PARD3B: variants seen among roughly 807,000 people sequenced by gnomAD.
PARD3B encodes partitioning defective 3 homolog B.
Under a neutral mutation model 130.2 loss-of-function variants are expected in PARD3B, and 103 were observed. The ratio of observed to expected loss-of-function variants is 0.79; its 90% confidence interval spans 0.67 to 0.93. PARD3B has a LOEUF of 0.93. Ranked by LOEUF, PARD3B falls within the 40% of genes least tolerant of loss-of-function variation. The pLI, the probability that PARD3B is intolerant of heterozygous loss-of-function variation, is 0.00. For missense variants in PARD3B, 1,609 were observed against 1,499.2 expected, an observed-to-expected ratio of 1.07 and a Z score of -1.21; for synonymous variants, 583 against 553.2, an observed-to-expected ratio of 1.05 and a Z score of -0.76.
chr2:205,178,310 A>C, intron 13 of PARD3B, among the ~76,000 whole-genome samples: 1 of 151,986 alleles, frequency 6.6e-6, no homozygotes, highest in East Asian at 1.9e-4. Flanking sequence ...ATCTTAAAGA[A>C]ATTATGGTGG....
At chr2:205,232,789 TAGACATTGCAGGAAACC>T (rs1470585213) in intron 15 of PARD3B, among the ~76,000 whole-genome samples, 1 of 152,070 alleles carries the variant, frequency 6.6e-6, no homozygotes, top group Non-Finnish European at 1.5e-5. Flanking sequence ...AACAGCAAAT[TAGACATTGCAGGAAACC>T]AGACAAGTGA....
chr2:205,530,156 A>G lies in PARD3B; in HGVS notation c.3181-23168A>G, dbSNP rs2051525079. 6.6e-6 allele frequency among the ~76,000 whole-genome samples: 1 copy of G among 152,214 alleles called. No homozygotes were observed. The highest frequency in any genetic ancestry group is 1.5e-5 in the Non-Finnish European group (1 of 68,042). ...TGGAAAGGAAATAATATGCACATCT[A>G]ACCTTACAGCTGCAACTCGTGAAAT... On this transcript the variant is annotated intron_variant, in intron 21 of 22. Coordinates refer to ENST00000406610, the MANE Select transcript of PARD3B (RefSeq NM_001302769.2). This position sits in a 1 kb window ranked among gnomAD's most constrained non-coding sequence, Gnocchi z 4.7.
Position 205,021,411 on chromosome 2 carries a change from G to A in PARD3B, c.395-26170G>A, listed in dbSNP as rs1213263651. ...TTTCCTGATTCTGGGCATGCATTGG[G>A]ACCACAGGTTATGGTGGCTCACATT... On this transcript the variant is annotated intron_variant, in intron 3 of 22. Coordinates refer to ENST00000406610, the MANE Select transcript of PARD3B (RefSeq NM_001302769.2). This position sits in a 1 kb window ranked among gnomAD's most constrained non-coding sequence, Gnocchi z 4.5. Among the ~76,000 whole-genome samples the A allele has an allele frequency of 1.3e-5, 2 of 152,074 alleles. No individual in the cohort carries two copies. Among genetic ancestry groups the A allele is most frequent in the East Asian group, 3.9e-4 (2 of 5,176 alleles).
intron 18 of PARD3B, among the ~76,000 whole-genome samples, chr2:205,399,839 A>G (rs555892105): frequency 6.6e-6 from 1 of 152,216 alleles, no homozygotes; most frequent in East Asian, 1.9e-4. Context: ...ATTGTATTAT[A>G]TTTTCATTGT....
chr2:205,388,069 A>C (rs546029660), intron 18 of PARD3B, among the ~76,000 whole-genome samples: 108 of 152,298 alleles, frequency 7.1e-4, no homozygotes, highest in Middle Eastern at 6.8e-3. Context: ...CTTGATTGAG[A>C]GTCACCCACA....
chr2:204,830,062 C>G (rs2043752976), intron 2 of PARD3B, among the ~76,000 whole-genome samples: 1 of 151,690 alleles, frequency 6.6e-6, no homozygotes, highest in Admixed American at 6.6e-5. Flanking sequence ...CTCTCTCCTG[C>G]CACCATGTGA....
At chr2:205,413,892 A>G (rs1054994269) in intron 19 of PARD3B, among the ~76,000 whole-genome samples, 2 of 152,184 alleles carry the variant, frequency 1.3e-5, no homozygotes, top group African/African-American at 4.8e-5. Context: ...AGTTGAAATT[A>G]GTTTTAAGTA....
intron 2 of PARD3B, among the ~76,000 whole-genome samples, chr2:204,791,300 C>T (rs2042196320): frequency 6.6e-6 from 1 of 152,124 alleles, no homozygotes; most frequent in Admixed American, 6.6e-5. Flanking sequence ...AGGTCTCATT[C>T]TCCATAGAAT....
chr2:205,560,165 G>A (rs538868209), intron 22 of PARD3B, among the ~76,000 whole-genome samples: 1 of 152,270 alleles, frequency 6.6e-6, no homozygotes, highest in South Asian at 2.1e-4. Flanking sequence ...CCTTGACTAA[G>A]GTTATGAAGC....
At position 204,862,544 on chromosome 2, in the gene PARD3B, G is replaced by A. The variant is rs553809543; in HGVS notation, c.223-102608G>A. 6.7e-4 allele frequency among the ~76,000 whole-genome samples: 102 copies of A among 152,248 alleles called. 1 individual carries two copies. The highest frequency in any genetic ancestry group is 2.4e-3 in the Admixed American group (36 of 15,294). ...GTACTAGGTTCCTCCTCTGTAAAAC[G>A]TGAGGGTTGATTTAGGTAGATGGAA... On this transcript the variant is annotated intron_variant, in intron 2 of 22. Coordinates refer to ENST00000406610, the MANE Select transcript of PARD3B (RefSeq NM_001302769.2).
intron 2 of PARD3B, among the ~76,000 whole-genome samples, chr2:204,776,875 G>C (rs1243531996): frequency 2.6e-5 from 4 of 151,778 alleles, no homozygotes; most frequent in South Asian, 4.2e-4. Flanking sequence ...CCCAGAGACC[G>C]CAAGGAGAGG....
chr2:204,839,128 T>C (rs2044169639), intron 2 of PARD3B, among the ~76,000 whole-genome samples: 1 of 152,214 alleles, frequency 6.6e-6, no homozygotes, highest in African/African-American at 2.4e-5. Flanking sequence ...TGCCATAATG[T>C]TACAAGGTCA....
chr2:205,329,342 A>G (rs1054272560), intron 18 of PARD3B, among the ~76,000 whole-genome samples: 2 of 152,236 alleles, frequency 1.3e-5, no homozygotes, highest in African/African-American at 4.8e-5. Context: ...AGTAGCTCCT[A>G]TTCAAGAGAG....
At position 205,047,517 on chromosome 2, in the gene PARD3B, T is replaced by A. The variant is rs188914182; in HGVS notation, c.395-64T>A. 92 of 948,768 alleles carry A rather than the reference T, an allele frequency of 9.7e-5. No homozygotes were observed. The African/African-American group carries it at 1.3e-3, about 13-fold the overall frequency. The allele number at this position is 948,768 out of a possible 1,614,324, so 58.8% of individuals were successfully genotyped here. ...GTAAACCTTTTAAATTAAAGTGCAT[T>A]GTGTCATGCACTCTCTTCACCCCAG... On this transcript the variant is annotated intron_variant, in intron 3 of 22. Coordinates refer to ENST00000406610, the MANE Select transcript of PARD3B (RefSeq NM_001302769.2).
intron 3 of PARD3B, 75 bp from the exon 4 acceptor site, chr2:205,047,506 T>C (rs1480798090): frequency 8.6e-6 from 7 of 814,854 alleles, no homozygotes; most frequent in Non-Finnish European, 1.2e-5. Context: ...ACCTTTTAAA[T>C]TAAAGTGCAT....
In PARD3B at chr2:205,276,671, A is replaced by C. The variant is rs539832951; in HGVS notation, c.2186-23859A>C. On this transcript the variant is annotated intron_variant, in intron 16 of 22. Transcript: ENST00000406610. This position sits in a 1 kb window ranked among gnomAD's most constrained non-coding sequence, Gnocchi z 5.0. ...CAGCGCTTTATCAGCCGACATTTAC[A>C]CAGAAACTCCTGCCTCTGAGCTTCC... Among the ~76,000 whole-genome samples, 2 of 152,302 alleles carry C rather than the reference A, an allele frequency of 1.3e-5. No homozygotes were observed. The highest frequency in any genetic ancestry group is 1.3e-4 in the Admixed American group (2 of 15,306).
At chr2:205,569,299 A>G (rs1168960040) in intron 22 of PARD3B, among the ~76,000 whole-genome samples, 2 of 152,104 alleles carry the variant, frequency 1.3e-5, no homozygotes, top group Non-Finnish European at 2.9e-5. Context: ...GACATATTTA[A>G]AATTATTTTA....
intron 21 of PARD3B, among the ~76,000 whole-genome samples, chr2:205,520,390 A>T (rs1559172438): frequency 6.6e-6 from 1 of 152,118 alleles, no homozygotes; most frequent in Non-Finnish European, 1.5e-5. Flanking sequence ...TTGCTCCTTC[A>T]TCAGTCTAAG....
chr2:205,148,312 C>T (rs900062548), intron 10 of PARD3B, among the ~76,000 whole-genome samples: 1 of 152,124 alleles, frequency 6.6e-6, no homozygotes, highest in Non-Finnish European at 1.5e-5. Flanking sequence ...CCTTAGATCA[C>T]CTTTTTCTTT....
Sources: gnomAD v4.1 joint callset for allele counts (sites outside exome capture counted in the v4.1 genomes callset) on GRCh38, gnomAD v4.1.1 for gene constraint, Gnocchi (gnomAD v3.1) non-coding constraint, MANE v1.5 for transcripts, NCBI Gene and HGNC (gene_info 2026-07-23, HGNC 2026-07-21) for gene names.